TRIM5: variants seen among roughly 807,000 people sequenced by gnomAD.
TRIM5 encodes the protein tripartite motif-containing protein 5.
In TRIM5, 31 loss-of-function variants were observed where a neutral mutation model predicts 35.6. That is an observed-to-expected ratio of 0.87 (90% CI 0.65 to 1.18). The LOEUF is 1.18. TRIM5 is among the 50% of genes most tolerant of loss of function. The probability of loss-of-function intolerance (pLI) is 0.00; values close to 1 mark genes in which losing one functional copy is unlikely to be tolerated. For missense variants in TRIM5, 609 were observed against 591.6 expected, an observed-to-expected ratio of 1.03 and a Z score of -0.31; for synonymous variants, 243 against 215.6, an observed-to-expected ratio of 1.13 and a Z score of -1.11.
At chr11:5,646,937 A>T in the TRIM5 span, among the ~76,000 whole-genome samples, 2 of 151,960 alleles carry the variant, frequency 1.3e-5, no homozygotes, top group African/African-American at 2.4e-5. Context: ...AATGGATTTT[A>T]AAAAAAACAA....
chr11:5,603,385 C>G, the TRIM5 span: 1 of 1,613,862 alleles, frequency 6.2e-7, no homozygotes, highest in Non-Finnish European at 8.5e-7. Flanking sequence ...CCTAACAGAA[C>G]CCCTGAGCAT....
rs1206659239 is a variant in TRIM5, at chr11:5,680,171, A to C, written c.7T>G (p.Ser3Ala). Residue 3 changes from serine (S) to alanine (A), a missense_variant, in exon 2 of 8, where the codon TCT (serine) becomes GCT (alanine). By Grantham distance (99) the Ser-to-Ala change is moderately conservative. Transcript: ENST00000380034. Reference sequence around the variant, plus strand: ...TCCTTTACATTAACCAGGATTCCAGAAGCCATAGTAGCTATTCCACTGCTC... The same window carrying C: ...TCCTTTACATTAACCAGGATTCCAGCAGCCATAGTAGCTATTCCACTGCTC... MA[S>A]GILVNVKEEV... The C allele has an allele frequency of 6.2e-7, 1 of 1,603,758 alleles. No individual in the cohort carries two copies. Among genetic ancestry groups the C allele is most frequent in the Non-Finnish European group, 8.5e-7 (1 of 1,174,388 alleles).
At chr11:5,613,165 C>T in the TRIM5 span, among the ~76,000 whole-genome samples, 1 of 152,238 alleles carries the variant, frequency 6.6e-6, no homozygotes. Flanking sequence ...ACCTTCCCAG[C>T]TGCCCTGAGG....
At chr11:5,610,460 T>C in the TRIM5 span, 7 of 1,611,296 alleles carry the variant, frequency 4.3e-6, no homozygotes, top group Non-Finnish European at 5.9e-6. Flanking sequence ...TTCCCCTCAA[T>C]GTAGTAAGGA....
At chr11:5,630,179 G>A in the TRIM5 span, among the ~76,000 whole-genome samples, 5 of 152,016 alleles carry the variant, frequency 3.3e-5, no homozygotes, top group African/African-American at 7.3e-5. Context: ...ATCCTCTTAC[G>A]GAAAATGAGG....
At chr11:5,642,308 A>T in the TRIM5 span, 1 of 1,089,884 alleles carries the variant, frequency 9.2e-7, no homozygotes, top group Non-Finnish European at 1.4e-6. Flanking sequence ...AGAAGGGTTC[A>T]AGTGCATCAG....
At chr11:5,655,896 A>C in the TRIM5 span, among the ~76,000 whole-genome samples, 2 of 152,230 alleles carry the variant, frequency 1.3e-5, no homozygotes, top group African/African-American at 4.8e-5. Flanking sequence ...TGACAAAAGC[A>C]ATGGGGAAAG....
At chr11:5,602,330 C>A in the TRIM5 span, among the ~76,000 whole-genome samples, 10 of 152,190 alleles carry the variant, frequency 6.6e-5, no homozygotes, top group Non-Finnish European at 1.2e-4. Context: ...GTAATCCCAG[C>A]TACTCGGGAG....
intron 5 of TRIM5, among the ~76,000 whole-genome samples, chr11:5,667,453 C>T (rs58270597): frequency 0.14 from 21,758 of 152,112 alleles, 2,423 homozygotes; most frequent in East Asian, 0.43. Context: ...CCTGACTCGG[C>T]GTCCCAAAGT....
At chr11:5,648,172 T>C in the TRIM5 span, among the ~76,000 whole-genome samples, 2 of 152,052 alleles carry the variant, frequency 1.3e-5, no homozygotes, top group African/African-American at 2.4e-5. Context: ...TATGATGCCA[T>C]CCACATTCTA....
At chr11:5,662,098 G>A (rs1347520706), downstream of TRIM5, among the ~76,000 whole-genome samples, 1 of 152,174 alleles carries the variant, frequency 6.6e-6, no homozygotes, top group African/African-American at 2.4e-5. Context: ...AACCTCCTCG[G>A]TTTCCCTGGA....
chr11:5,669,775 A>G (rs4567498), intron 4 of TRIM5, among the ~76,000 whole-genome samples: 24,952 of 152,062 alleles, frequency 0.16, 2,293 homozygotes, highest in African/African-American at 0.24. Flanking sequence ...AGGTGAGCAG[A>G]TCACTTGAGG....
chr11:5,645,724 G>C, the TRIM5 span: 6 of 185,786 alleles, frequency 3.2e-5, no homozygotes, highest in African/African-American at 1.4e-4. Flanking sequence ...GAGGAGATTT[G>C]ATGAGGGTCA....
At chr11:5,644,685 G>A in the TRIM5 span, among the ~76,000 whole-genome samples, 233 of 152,218 alleles carry the variant, frequency 1.5e-3, no homozygotes, top group Non-Finnish European at 2.5e-3. Context: ...TATAGTTACC[G>A]TGTGTCGGGG....
At chr11:5,605,327 G>C in the TRIM5 span, 1 of 1,613,954 alleles carries the variant, frequency 6.2e-7, no homozygotes, top group Non-Finnish European at 8.5e-7. Flanking sequence ...TTTCTTCCCT[G>C]TTCCTGAAGA....
the TRIM5 span, chr11:5,611,580 A>G: frequency 9.6e-5 from 42 of 436,252 alleles, no homozygotes; most frequent in Admixed American, 1.2e-3. Context: ...CAGCATCCCA[A>G]GTAGCTGGGA....
At chr11:5,610,317 T>C in the TRIM5 span, 18 of 1,603,780 alleles carry the variant, frequency 1.1e-5, no homozygotes, top group Non-Finnish European at 1.4e-5. Context: ...GGATAGAGGC[T>C]ATAGTCGGTA....
At chr11:5,653,338 G>T in the TRIM5 span, among the ~76,000 whole-genome samples, 1 of 152,022 alleles carries the variant, frequency 6.6e-6, no homozygotes, top group Non-Finnish European at 1.5e-5. Context: ...GTTAGTCCTT[G>T]GGCTTCCTAT....
chr11:5,609,344 G>A, the TRIM5 span, among the ~76,000 whole-genome samples: 1 of 152,054 alleles, frequency 6.6e-6, no homozygotes, highest in South Asian at 2.1e-4. Flanking sequence ...ATGCTGTTTT[G>A]AAGGTTTTCT....
Sources: allele counts gnomAD v4.1 joint callset (sites outside exome capture counted in the v4.1 genomes callset), GRCh38; gene constraint gnomAD v4.1.1; transcripts MANE v1.5; gene names NCBI Gene and HGNC (gene_info 2026-07-23, HGNC 2026-07-21).